TMCC1: variants seen among roughly 807,000 people sequenced by gnomAD.
TMCC1 encodes the protein transmembrane and coiled-coil domains protein 1.
TMCC1 carries 15 observed loss-of-function variants against 52.4 expected under a neutral mutation model. The ratio of observed to expected loss-of-function variants is 0.29; its 90% confidence interval spans 0.19 to 0.44. TMCC1 has a LOEUF of 0.44. Ranked by LOEUF, TMCC1 falls within the 20% of genes least tolerant of loss-of-function variation. The pLI is 1.00. For missense variants in TMCC1, 503 were observed against 806.0 expected (o/e 0.62, Z 4.55); for synonymous variants, 279 against 301.9 (o/e 0.92, Z 0.79).
At chr3:129,759,709 A>ATTTTTTTTTTTTTTTTTTTTTTTTTT (rs1560350161) in intron 4 of TMCC1, among the ~76,000 whole-genome samples, 1 of 98,358 alleles carries the variant, frequency 1.0e-5, no homozygotes, top group African/African-American at 3.9e-5. Flanking sequence ...AGCCAGCCAA[A>ATTTTTTTTTTTTTTTTTTTTTTTTTT]CTTTTTTTTT....
chr3:129,865,664 A>AAGAAC (rs1224526662), intron 2 of TMCC1, among the ~76,000 whole-genome samples: 1 of 152,164 alleles, frequency 6.6e-6, no homozygotes, highest in Non-Finnish European at 1.5e-5. Context: ...GTCAGAATAA[A>AAGAAC]CGAGTGAATG....
intron 4 of TMCC1, among the ~76,000 whole-genome samples, chr3:129,778,325 C>T (rs143298548): frequency 9.1e-4 from 138 of 152,224 alleles, no homozygotes; most frequent in African/African-American, 3.2e-3. Flanking sequence ...TATTTCTTTT[C>T]AACACTAAGG....
At chr3:129,729,045 T>C (rs1019521063) in intron 4 of TMCC1, among the ~76,000 whole-genome samples, 6 of 152,192 alleles carry the variant, frequency 3.9e-5, no homozygotes, top group African/African-American at 1.2e-4. Context: ...GAGGATTTCA[T>C]AGAAATGTAA....
At chr3:129,847,583 T>C (rs1577073228) in intron 2 of TMCC1, 1 of 152,340 alleles carries the variant, frequency 6.6e-6, no homozygotes, top group East Asian at 1.9e-4. Context: ...TTGATGGATA[T>C]GGGAGCTGTT....
Position 129,670,783 on chromosome 3 carries a change from C to G in TMCC1, c.1058G>C (p.Ser353Thr). 1 of 1,614,162 alleles carries G rather than the reference C, an allele frequency of 6.2e-7. No homozygotes were observed. Among genetic ancestry groups the G allele is most frequent in the Non-Finnish European group, 8.5e-7 (1 of 1,180,024 alleles). ...VVDSVKGGFS[S>T]FSQATHSAAG... is the part of the protein sequence containing the mutation. ...TGCTGAATGGGTGGCCTGGGAGAAGCTGGAAAACCCACCTTTGACACTATC... is the reference window on the plus strand; with the variant it reads ...TGCTGAATGGGTGGCCTGGGAGAAGGTGGAAAACCCACCTTTGACACTATC... The change falls in exon 5 of 7, where the codon AGC becomes ACC. Residue 353 changes from serine to threonine, a missense_variant. Ser to Thr is a moderately conservative substitution (Grantham distance 58). Transcript: ENST00000393238.
In TMCC1 at chr3:129,837,582, T is replaced by C. The variant is rs747079340; in HGVS notation, c.-183-4756A>G. On this transcript the variant is annotated intron_variant, in intron 2 of 6. Transcript: ENST00000393238. ...TAAGCATATCAAGCATATACCTCAG[T>C]ATCTCCTGTCATATACAGCACATTC... is the stretch of plus-strand genomic sequence containing the variant. 5.8e-4 allele frequency among the ~76,000 whole-genome samples: 88 copies of C among 152,320 alleles called. 1 individual carries two copies. The highest frequency in any genetic ancestry group is 1.0e-3 in the Non-Finnish European group (69 of 68,030).
At chr3:129,808,786 GAAGTC>G (rs1264801945) in intron 4 of TMCC1, among the ~76,000 whole-genome samples, 1 of 150,520 alleles carries the variant, frequency 6.6e-6, no homozygotes, top group Admixed American at 6.6e-5. Context: ...TTCATTAAAG[GAAGTC>G]AAGATATCCA....
chr3:129,749,552 T>C (rs897436987), intron 4 of TMCC1, among the ~76,000 whole-genome samples: 1 of 152,072 alleles, frequency 6.6e-6, no homozygotes, highest in African/African-American at 2.4e-5. Context: ...AAAACAAAGA[T>C]GTTTTTACAA....
chr3:129,685,836 T>C lies in TMCC1; in HGVS notation c.577-14572A>G, dbSNP rs139693293. On this transcript the variant is annotated intron_variant, in intron 4 of 6. Coordinates refer to ENST00000393238, the MANE Select transcript of TMCC1 (RefSeq NM_001017395.5). ...TCTTCTAAATCAGATCTTCTTACAC[T>C]GTTCCATATCTCAGGAAAAGCATCT... 4.6e-5 allele frequency among the ~76,000 whole-genome samples: 7 copies of C among 152,322 alleles called. No homozygotes were observed. The East Asian group carries it at 1.3e-3, about 29-fold the overall frequency.
chr3:129,723,697 G>A (rs2049840528), intron 4 of TMCC1, among the ~76,000 whole-genome samples: 1 of 152,248 alleles, frequency 6.6e-6, no homozygotes, highest in Non-Finnish European at 1.5e-5. Context: ...TGTCCAAATA[G>A]CTTTGGGTAA....
At chr3:129,791,088 ATTT>A (rs34048545) in intron 4 of TMCC1, among the ~76,000 whole-genome samples, 9 of 82,958 alleles carry the variant, frequency 1.1e-4, no homozygotes, top group East Asian at 2.9e-4. Flanking sequence ...ACACTCCATA[ATTT>A]TTTTTTTTTT....
intron 4 of TMCC1, among the ~76,000 whole-genome samples, chr3:129,741,408 A>C (rs1428299356): frequency 6.6e-6 from 1 of 152,182 alleles, no homozygotes; most frequent in East Asian, 1.9e-4. Context: ...ATAAAAGAGA[A>C]GATTGAGGCT....
intron 1 of TMCC1, among the ~76,000 whole-genome samples, chr3:129,883,497 C>T (rs545984344): frequency 6.6e-6 from 1 of 152,050 alleles, no homozygotes; most frequent in East Asian, 1.9e-4. Flanking sequence ...ACCTGTGGTC[C>T]CAGCTATTCA....
Position 129,736,562 on chromosome 3 carries a change from C to T in TMCC1, c.577-65298G>A, listed in dbSNP as rs1380414973. On this transcript the variant is annotated intron_variant, in intron 4 of 6. Transcript: ENST00000393238. ...TTTGAGATGGAGTCTAGCTCTGCTG[C>T]CCAGGCTGGAATGCAATGGCACAAT... Among the ~76,000 whole-genome samples, 12 of 149,554 alleles carry T rather than the reference C, an allele frequency of 8.0e-5. No individual in the cohort carries two copies. The East Asian group carries it at 1.4e-3, about 17-fold the overall frequency.
At chr3:129,818,058 C>A (rs995214999) in intron 4 of TMCC1, among the ~76,000 whole-genome samples, 7 of 152,082 alleles carry the variant, frequency 4.6e-5, no homozygotes, top group African/African-American at 1.4e-4. Context: ...GATCCACCCA[C>A]CTCGGCCTCC....
At chr3:129,808,132 C>T (rs2057571959) in intron 4 of TMCC1, among the ~76,000 whole-genome samples, 1 of 151,840 alleles carries the variant, frequency 6.6e-6, no homozygotes, top group Non-Finnish European at 1.5e-5. Flanking sequence ...TAGTGAGCTG[C>T]GACTGTGCTA....
At chr3:129,708,204 CT>C (rs2048388107) in intron 4 of TMCC1, among the ~76,000 whole-genome samples, 1 of 152,064 alleles carries the variant, frequency 6.6e-6, no homozygotes, top group East Asian at 1.9e-4. Flanking sequence ...CTATTAGGAG[CT>C]TTGTTTCCTC....
intron 4 of TMCC1, among the ~76,000 whole-genome samples, chr3:129,778,676 G>GT (rs375982898): frequency 6.6e-6 from 1 of 150,720 alleles, no homozygotes; most frequent in African/African-American, 2.5e-5. Flanking sequence ...GATCATGGTG[G>GT]GGGGGGGGCA....
intron 4 of TMCC1, among the ~76,000 whole-genome samples, chr3:129,798,239 G>A (rs774334887): frequency 6.6e-6 from 1 of 151,644 alleles, no homozygotes; most frequent in Non-Finnish European, 1.5e-5. Flanking sequence ...CAGGTGATCC[G>A]CCCGCTCAGC....
Sources: gnomAD v4.1 joint callset for allele counts (sites outside exome capture counted in the v4.1 genomes callset) on GRCh38, gnomAD v4.1.1 for gene constraint, MANE v1.5 for transcripts, NCBI Gene and HGNC (gene_info 2026-07-23, HGNC 2026-07-21) for gene names.